The following UBL3 variants were observed in gnomAD, a reference collection of about 807,000 sequenced individuals.
The protein encoded by UBL3 is ubiquitin like 3.
Under a neutral mutation model 18.4 loss-of-function variants are expected in UBL3, and 6 were observed. The observed-to-expected ratio is 0.33, with a 90% CI of 0.18 to 0.64. The LOEUF (loss-of-function observed/expected upper bound fraction) is 0.64, where lower values mean the gene tolerates loss of function less well. Ranked by LOEUF, UBL3 falls within the 30% of genes least tolerant of loss-of-function variation. UBL3 has a pLI of 0.76. For synonymous variants in UBL3, 49 were observed against 46.6 expected (o/e 1.05, Z -0.21); for missense variants, 109 against 142.9 (o/e 0.76, Z 1.21).
intron 1 of UBL3, among the ~76,000 whole-genome samples, chr13:29,815,154 T>C (rs140767315): frequency 1.5e-4 from 23 of 152,264 alleles, no homozygotes; most frequent in African/African-American, 5.1e-4. Flanking sequence ...ATCCAGTGTG[T>C]ACTACAACAG....
chr13:29,850,097 G>C lies in UBL3; in HGVS notation c.-559C>G, dbSNP rs539637635. 6.6e-6 allele frequency: 1 copy of C among 152,326 alleles called. No individual in the cohort carries two copies. The highest frequency in any genetic ancestry group is 2.4e-5 in the African/African-American group (1 of 41,460). 9.4% of individuals were successfully genotyped at this position (152,326 alleles called of 1,614,324 possible). On this transcript the variant is annotated 5_prime_UTR_variant, in exon 1 of 5. Transcript: ENST00000380680. ...AGAGCCGCTGTCGGAGCGCCCGCGC[G>C]GACAGCGCGGGGAAACGGCTCAACT...
rs1878913548 is a variant in UBL3, at chr13:29,835,136, ATAT to A, written c.27+14373_27+14375del. Among the ~76,000 whole-genome samples the A allele has an allele frequency of 1.8e-3, 16 of 8,730 alleles. 2 individuals are homozygous for A. The highest frequency in any genetic ancestry group is 0.011 in the East Asian group (3 of 266). 5.7% of individuals were successfully genotyped at this position (8,730 alleles called of 152,430 possible). On this transcript the variant is annotated intron_variant, in intron 1 of 4. Coordinates refer to ENST00000380680, the MANE Select transcript of UBL3 (RefSeq NM_007106.4). ...TATATATATATATAAATATATATATATATATATATATATATATATATATATATA... is the reference window on the plus strand; with the variant it reads ...TATATATATATATAAATATATATATAATATATATATATATATATATATATA...
chr13:29,798,183 C>G (rs367554857), intron 1 of UBL3, among the ~76,000 whole-genome samples: 2 of 151,994 alleles, frequency 1.3e-5, no homozygotes, highest in Non-Finnish European at 2.9e-5. Context: ...CATCCCCATG[C>G]TCAGCTAATT....
intron 1 of UBL3, among the ~76,000 whole-genome samples, chr13:29,846,137 C>T (rs117447955): frequency 2.4e-4 from 37 of 151,948 alleles, no homozygotes; most frequent in Admixed American, 5.2e-4. Flanking sequence ...TGAATATAGC[C>T]GCATCATGAA....
chr13:29,849,738 G>T lies in UBL3; in HGVS notation c.-200C>A. ...CGAAGAGGAACAATCCCCAGGAGCTGTGTGGCCGGAGCAGGAGGAAACTCC... is the reference window on the plus strand; with the variant it reads ...CGAAGAGGAACAATCCCCAGGAGCTTTGTGGCCGGAGCAGGAGGAAACTCC... On this transcript the variant is annotated 5_prime_UTR_variant, in exon 1 of 5. Coordinates refer to ENST00000380680, the MANE Select transcript of UBL3 (RefSeq NM_007106.4). 1.5e-6 allele frequency: 1 copy of T among 671,072 alleles called. No homozygotes were observed. The highest frequency in any genetic ancestry group is 2.5e-6 in the Non-Finnish European group (1 of 395,204). The allele number at this position is 671,072 out of a possible 1,614,324, so 41.6% of individuals were successfully genotyped here. A position where few individuals can be genotyped will look rare whatever the true frequency, so the allele number is the denominator to read the frequency against.
chr13:29,789,456 G>A (rs930067816), intron 1 of UBL3, among the ~76,000 whole-genome samples: 13 of 152,182 alleles, frequency 8.5e-5, no homozygotes, highest in African/African-American at 3.1e-4. Flanking sequence ...CTAAGAGGGA[G>A]GAGAGCTATA....
At chr13:29,842,134 C>CTTTT (rs201006689) in intron 1 of UBL3, among the ~76,000 whole-genome samples, 3,327 of 127,222 alleles carry the variant, frequency 0.026, 266 homozygotes, top group African/African-American at 0.093. Flanking sequence ...CATTCTCTTT[C>CTTTT]TTTTTTTTTT....
At chr13:29,779,300 C>A in intron 1 of UBL3, 1 of 470,428 alleles carries the variant, frequency 2.1e-6, no homozygotes. Flanking sequence ...ACATATTACC[C>A]TATGAACTTA....
Position 29,767,321 on chromosome 13 carries a change from AG to A in UBL3, c.302-15del, listed in dbSNP as rs1876715646. ...GATTCCTCTGACCTAGGGAAAACGAAGAAGAGCCTCGTTTATAAAAATTCTA... is the reference window on the plus strand; with the variant it reads ...GATTCCTCTGACCTAGGGAAAACGAAAAGAGCCTCGTTTATAAAAATTCTA... On this transcript the variant is annotated splice_polypyrimidine_tract_variant and intron_variant, in intron 4 of 4. Coordinates refer to ENST00000380680, the MANE Select transcript of UBL3 (RefSeq NM_007106.4). The A allele has an allele frequency of 1.2e-6, 2 of 1,613,058 alleles. No individual in the cohort carries two copies. Among genetic ancestry groups the A allele is most frequent in the Non-Finnish European group, 8.5e-7 (1 of 1,179,280 alleles).
intron 3 of UBL3, among the ~76,000 whole-genome samples, chr13:29,770,211 C>T (rs995379764): frequency 5.3e-5 from 8 of 151,952 alleles, no homozygotes; most frequent in African/African-American, 1.9e-4. Flanking sequence ...TTGAAGAACA[C>T]AGGGAGGCTA....
chr13:29,767,750 C>A, intron 3 of UBL3, 55 bp from the exon 4 acceptor site: 1 of 1,490,414 alleles, frequency 6.7e-7, no homozygotes, highest in Non-Finnish European at 9.2e-7. Flanking sequence ...ATTAAAATCA[C>A]TATCCAGATT....
At chr13:29,781,135 A>G (rs566746103) in intron 1 of UBL3, among the ~76,000 whole-genome samples, 42 of 152,286 alleles carry the variant, frequency 2.8e-4, no homozygotes, top group African/African-American at 9.6e-4. Context: ...AGATCACACT[A>G]CTGCACTCCA....
chr13:29,768,821 TTA>T (rs1357718838), intron 3 of UBL3, among the ~76,000 whole-genome samples: 3 of 152,078 alleles, frequency 2.0e-5, no homozygotes, highest in African/African-American at 7.2e-5. Flanking sequence ...AAGTAAGACT[TTA>T]TGTTATTAAA....
chr13:29,775,147 C>T lies in UBL3; in HGVS notation c.136+2008G>A, dbSNP rs1241448728. On this transcript the variant is annotated intron_variant, in intron 2 of 4. Transcript: ENST00000380680. ...ATTCATGCTGTAAGCAGTGAGCTGG[C>T]TTTGGCAAAAATACATCATCTAGCA... is the stretch of plus-strand genomic sequence containing the variant. Among the ~76,000 whole-genome samples the T allele has an allele frequency of 2.0e-5, 3 of 152,154 alleles. No homozygotes were observed. The East Asian group carries it at 5.8e-4, about 29-fold the overall frequency.
chr13:29,770,589 T>C (rs1285322438), intron 3 of UBL3, among the ~76,000 whole-genome samples: 1 of 151,984 alleles, frequency 6.6e-6, no homozygotes, highest in African/African-American at 2.4e-5. Flanking sequence ...CATAGATCAA[T>C]ACTCAAAAGG....
intron 1 of UBL3, among the ~76,000 whole-genome samples, chr13:29,823,954 G>A (rs1329121272): frequency 8.6e-5 from 13 of 150,388 alleles, no homozygotes; most frequent in East Asian, 2.0e-4. Flanking sequence ...GAGAACATGC[G>A]GTGTTTGGTT....
intron 1 of UBL3, among the ~76,000 whole-genome samples, chr13:29,837,555 A>G (rs1004592284): frequency 1.3e-5 from 2 of 152,204 alleles, no homozygotes; most frequent in South Asian, 2.1e-4. Context: ...AGACAATTGA[A>G]TAGAAATAAT....
In UBL3 at chr13:29,849,914, C is replaced by G; in HGVS notation, c.-376G>C. The G allele has an allele frequency of 2.7e-6, 1 of 376,602 alleles. No homozygotes were observed. Among genetic ancestry groups the G allele is most frequent in the South Asian group, 2.5e-5 (1 of 39,726 alleles). 23.3% of individuals were successfully genotyped at this position (376,602 alleles called of 1,614,324 possible). A position where few individuals can be genotyped will look rare whatever the true frequency, so the allele number is the denominator to read the frequency against. Reference sequence around the variant, plus strand: ...AAATGCGCCTTCCTCCTTTCCCAGCCCCGGCAATGATTCACACTTGCTCCC... The same window carrying G: ...AAATGCGCCTTCCTCCTTTCCCAGCGCCGGCAATGATTCACACTTGCTCCC... On this transcript the variant is annotated 5_prime_UTR_variant, in exon 1 of 5. Coordinates refer to ENST00000380680, the MANE Select transcript of UBL3 (RefSeq NM_007106.4).
At chr13:29,846,079 C>G (rs1382326926) in intron 1 of UBL3, among the ~76,000 whole-genome samples, 1 of 151,958 alleles carries the variant, frequency 6.6e-6, no homozygotes, top group Non-Finnish European at 1.5e-5. Context: ...TATTTTCTTG[C>G]AAAAAACCTA....
Sources: gnomAD v4.1 joint callset for allele counts (sites outside exome capture counted in the v4.1 genomes callset) on GRCh38, gnomAD v4.1.1 for gene constraint, MANE v1.5 for transcripts, NCBI Gene and HGNC (gene_info 2026-07-23, HGNC 2026-07-21) for gene names.